Variants in MCFD2 observed in about 807,000 individuals in gnomAD.
MCFD2 encodes the protein multiple coagulation factor deficiency protein 2.
In MCFD2, 11 loss-of-function variants were observed where a neutral mutation model predicts 12.8. The ratio of observed to expected loss-of-function variants is 0.86; its 90% CI spans 0.54 to 1.42. The LOEUF is 1.42. Among genes scored for constraint, MCFD2 ranks in the 40% most tolerant of loss-of-function variants. The pLI, the probability that MCFD2 is intolerant of heterozygous loss-of-function variation, is 0.00. For missense variants in MCFD2, 191 were observed against 178.6 expected (o/e 1.07, Z -0.40); for synonymous variants, 70 against 68.1 (o/e 1.03, Z -0.14).
rs187480321 is a variant in MCFD2, at chr2:46,923,319, T to C, written c.-7-15350A>G. ...GGTGGGGCTAAGAGTCCCAACCTTC[T>C]AATCACACCTTGGTCTTTCCAGTAA... On this transcript the variant is annotated intron_variant, in intron 1 of 2. Coordinates refer to the MCFD2 transcript ENST00000409147. 1.7e-3 allele frequency among the ~76,000 whole-genome samples: 265 copies of C among 152,302 alleles called. 2 individuals carry two copies. Among genetic ancestry groups the C allele is most frequent in the African/African-American group, 6.1e-3 (252 of 41,560 alleles).
chr2:46,935,067 G>C (rs1397808926), intron 1 of MCFD2, among the ~76,000 whole-genome samples: 1 of 152,020 alleles, frequency 6.6e-6, no homozygotes, highest in African/African-American at 2.4e-5. Context: ...CCAAAGTGTG[G>C]GGATTACAGG....
At chr2:46,927,470 C>T (rs1407684007) in intron 1 of MCFD2, among the ~76,000 whole-genome samples, 3 of 151,490 alleles carry the variant, frequency 2.0e-5, no homozygotes, top group Non-Finnish European at 4.4e-5. Flanking sequence ...CATTCTCCCA[C>T]CTCAACCTCC....
intron 1 of MCFD2, chr2:46,914,109 T>C (rs1351062883): frequency 6.6e-6 from 1 of 152,348 alleles, no homozygotes; most frequent in Non-Finnish European, 1.5e-5. Flanking sequence ...CATCGCTGAA[T>C]CAGGGAAGTG....
chr2:46,936,859 A>AT (rs67502094), intron 1 of MCFD2, among the ~76,000 whole-genome samples: 6,503 of 142,896 alleles, frequency 0.046, 167 homozygotes, highest in Middle Eastern at 0.094. Flanking sequence ...AGGATTCCAA[A>AT]TTTTTTTTTT....
chr2:46,924,190 T>G (rs1669266299), intron 1 of MCFD2, among the ~76,000 whole-genome samples: 1 of 146,304 alleles, frequency 6.8e-6, no homozygotes, highest in Non-Finnish European at 1.5e-5. Flanking sequence ...GGTGACAGAA[T>G]GAGATCCTGT....
In MCFD2 at chr2:46,941,725, G is replaced by A. The variant is rs200904193; in HGVS notation, c.-161C>T. On this transcript the variant is annotated 5_prime_UTR_variant, in exon 1 of 3. Coordinates refer to the MCFD2 transcript ENST00000409147. This position sits in a 1 kb window ranked among gnomAD's most constrained non-coding sequence, Gnocchi z 4.2. ...CGCAGCGTTCACCTTTCCGGACACC[G>A]GTGAGTAAGGGAAGAGGCTGGCTCG... The A allele has an allele frequency of 3.2e-6, 5 of 1,549,730 alleles. No homozygotes were observed. The East Asian group carries it at 9.8e-5, about 30-fold the overall frequency.
intron 3 of MCFD2, 101 bp from the exon 4 acceptor site, chr2:46,905,695 T>TAA (rs59068176): frequency 0.035 from 17,211 of 498,278 alleles, 50 homozygotes; most frequent in Middle Eastern, 0.051. Context: ...CACTGTTTAT[T>TAA]AAAAAAAAAA....
intron 1 of MCFD2, among the ~76,000 whole-genome samples, chr2:46,910,581 T>C (rs746126931): frequency 6.6e-6 from 1 of 152,192 alleles, no homozygotes; most frequent in African/African-American, 2.4e-5. Flanking sequence ...AGAGGTGTTA[T>C]AGTCCCTCTT....
upstream of MCFD2, among the ~76,000 whole-genome samples, chr2:46,920,027 T>C (rs1669017413): frequency 6.6e-6 from 1 of 152,202 alleles, no homozygotes; most frequent in Admixed American, 6.5e-5. Flanking sequence ...TGAATTCAGA[T>C]ATACTATAAA....
Position 46,941,496 on chromosome 2 carries a change from G to T in MCFD2, c.-8+76C>A. On this transcript the variant is annotated intron_variant, in intron 1 of 2. Transcript: ENST00000409147. This position sits in a 1 kb window ranked among gnomAD's most constrained non-coding sequence, Gnocchi z 4.2. ...CAGCCAGGACGCCGCCCCCGGCCGG[G>T]TCTCCACTTCTTGGCCGCACCTTCC... 6.5e-7 allele frequency: 1 copy of T among 1,538,516 alleles called. No homozygotes were observed. The highest frequency in any genetic ancestry group is 1.2e-5 in the South Asian group (1 of 82,752).
chr2:46,911,970 G>A (rs920745492), intron 1 of MCFD2, among the ~76,000 whole-genome samples: 8 of 152,070 alleles, frequency 5.3e-5, no homozygotes, highest in Non-Finnish European at 7.4e-5. Flanking sequence ...AGGAGTTTCC[G>A]GTTAATTCTT....
chr2:46,930,725 C>A (rs1669655133), intron 1 of MCFD2, among the ~76,000 whole-genome samples: 1 of 152,110 alleles, frequency 6.6e-6, no homozygotes. Context: ...GTCTCGAACT[C>A]CTGACCTCAG....
intron 1 of MCFD2, among the ~76,000 whole-genome samples, chr2:46,939,545 C>G (rs1256490234): frequency 6.6e-6 from 1 of 152,186 alleles, no homozygotes; most frequent in Non-Finnish European, 1.5e-5. Flanking sequence ...CAGTGATTCC[C>G]TCTACAGTTA....
upstream of MCFD2, chr2:46,915,935 A>C: frequency 1.0e-6 from 1 of 985,228 alleles, no homozygotes; most frequent in East Asian, 1.1e-4. Flanking sequence ...GTCCACGTGT[A>C]ATCGGCCCGG....
In MCFD2 at chr2:46,937,003, T is replaced by C. The variant is rs1670011962; in HGVS notation, c.-8+4569A>G. 6.6e-6 allele frequency among the ~76,000 whole-genome samples: 1 copy of C among 152,008 alleles called. No homozygotes were observed. Among genetic ancestry groups the C allele is most frequent in the Admixed American group, 6.6e-5 (1 of 15,244 alleles). Reference sequence around the variant, plus strand: ...TCAAGTAGGTGGGACCACAGGCACCTGCCCACCATGCCAGGCTAATTTTTG... The same window carrying C: ...TCAAGTAGGTGGGACCACAGGCACCCGCCCACCATGCCAGGCTAATTTTTG... On this transcript the variant is annotated intron_variant, in intron 1 of 2. Coordinates refer to the MCFD2 transcript ENST00000409147. The surrounding 1 kb of genome is among the most constrained non-coding windows in gnomAD (Gnocchi z 4.0).
intron 1 of MCFD2, among the ~76,000 whole-genome samples, chr2:46,914,398 C>A (rs1473187639): frequency 1.3e-5 from 2 of 152,204 alleles, no homozygotes; most frequent in Admixed American, 6.5e-5. Context: ...GAAAAACTGA[C>A]CAGTACTTTG....
chr2:46,936,363 A>T (rs1022695222), intron 1 of MCFD2, among the ~76,000 whole-genome samples: 1 of 152,162 alleles, frequency 6.6e-6, no homozygotes, highest in African/African-American at 2.4e-5. Context: ...CCCAGGGACA[A>T]ATTTTGTCTC....
chr2:46,915,277 G>C (rs1668674153), intron 1 of MCFD2, among the ~76,000 whole-genome samples: 1 of 152,218 alleles, frequency 6.6e-6, no homozygotes, highest in South Asian at 2.1e-4. Flanking sequence ...TTGGGCACCC[G>C]GGTGGATGGC....
At position 46,909,040 on chromosome 2, in the gene MCFD2, G is replaced by T; in HGVS notation, c.132C>A (p.Asn44Lys). The T allele has an allele frequency of 6.2e-7, 1 of 1,614,228 alleles. No individual in the cohort carries two copies. The highest frequency in any genetic ancestry group is 8.5e-7 in the Non-Finnish European group (1 of 1,180,046). The change falls in exon 2 of 4, where the codon AAC becomes AAA. Residue 44 changes from asparagine to lysine, a missense_variant. By Grantham distance (94) the Asn-to-Lys change is moderately conservative (BLOSUM62 0). Transcript: ENST00000319466. ...ATACGTACTCTTGGTCGTGCACTGT[G>T]TTCTTATCCAGGCCCATGCTGCCGG... ...SQPGSMGLDK[N>K]TVHDQEHIME...
Sources: gnomAD v4.1 joint callset for allele counts (sites outside exome capture counted in the v4.1 genomes callset) on GRCh38, gnomAD v4.1.1 for gene constraint, Gnocchi (gnomAD v3.1) non-coding constraint, MANE v1.5 for transcripts, NCBI Gene and HGNC (gene_info 2026-07-23, HGNC 2026-07-21) for gene names.